Variants in SPTBN2 observed in about 807,000 individuals in gnomAD.
SPTBN2 encodes the protein spectrin beta, non-erythrocytic 2.
Under a neutral mutation model 284.2 loss-of-function variants are expected in SPTBN2, and 107 were observed. That is an observed-to-expected ratio of 0.38 (90% CI 0.32 to 0.44). SPTBN2 has a LOEUF of 0.44. Ranked by LOEUF, SPTBN2 falls within the 20% of genes least tolerant of loss-of-function variation. SPTBN2 has a pLI of 1.00. For synonymous variants in SPTBN2, 1,289 were observed against 1,354.8 expected (o/e 0.95, Z 1.07); for missense variants, 2,569 against 3,287.1 (o/e 0.78, Z 5.34).
Position 66,693,475 on chromosome 11 carries a change from T to A in SPTBN2, c.4594-29A>T. The A allele has an allele frequency of 2.5e-6, 4 of 1,588,212 alleles. No homozygotes were observed. Among genetic ancestry groups the A allele is most frequent in the Non-Finnish European group, 3.4e-6 (4 of 1,175,122 alleles). On this transcript the variant is annotated intron_variant, in intron 23 of 37. Transcript: ENST00000533211. This position sits in a 1 kb window ranked among gnomAD's most constrained non-coding sequence, Gnocchi z 5.7. ...CCCATGGCCACAGAAGAGAAAATGC[T>A]GAAAGTCCTGCCCCAGCCCCACGTG...
intron 31 of SPTBN2, 139 bp downstream of exon 31, chr11:66,688,514 G>T: frequency 1.4e-6 from 2 of 1,440,218 alleles, no homozygotes; most frequent in Non-Finnish European, 1.9e-6. Flanking sequence ...CTAAAGGTGT[G>T]GTGACAATGG....
rs199675740 is a variant in SPTBN2 at position 66,696,435 on chromosome 11, C to T, written c.4120G>A (p.Ala1374Thr). 4.6e-5 allele frequency: 75 copies of T among 1,612,930 alleles called. No homozygotes were observed. The highest frequency in any genetic ancestry group is 1.0e-4 in the Admixed American group (6 of 59,994). ...RWDELETTTQ[A>T]KARSLFDANR... is the part of the protein sequence containing the mutation. ...GCATCAAAGAGGCTGCGGGCCTTGG[C>T]TTGGGTGGTGGTCTCCAGCTCGTCC... Residue 1374 changes from alanine to threonine, a missense_variant, in exon 21 of 38, where the codon GCC becomes ACC. By Grantham distance (58) the Ala-to-Thr change is moderately conservative. Transcript: ENST00000533211.
rs1468352631 is a variant in SPTBN2, at chr11:66,700,058, T to C, written c.3574-450A>G. On this transcript the variant is annotated intron_variant, in intron 17 of 37. Transcript: ENST00000533211. This position sits in a 1 kb window ranked among gnomAD's most constrained non-coding sequence, Gnocchi z 6.6. ...TGCAGCCTCAAACTCCTGGCTCCAG[T>C]GATCCACCAGCCTCAGCCTCCCCAG... Among the ~76,000 whole-genome samples the C allele has an allele frequency of 6.6e-6, 1 of 151,918 alleles. No individual in the cohort carries two copies. Among genetic ancestry groups the C allele is most frequent in the Non-Finnish European group, 1.5e-5 (1 of 67,976 alleles).
rs1590897981 is a variant in SPTBN2, at chr11:66,684,238, TC to T, written c.*1632del. ...TGGAGGCCACCAAGGAGTGCCCACTTCCATCAACATCTGGAGACAAACACTG... is the reference window on the plus strand; with the variant it reads ...TGGAGGCCACCAAGGAGTGCCCACTTCATCAACATCTGGAGACAAACACTG... On this transcript the variant is annotated 3_prime_UTR_variant, in exon 38 of 38. Coordinates refer to ENST00000533211, the MANE Select transcript of SPTBN2 (RefSeq NM_006946.4). 6.6e-6 allele frequency among the ~76,000 whole-genome samples: 1 copy of T among 152,272 alleles called. No individual in the cohort carries two copies. The highest frequency in any genetic ancestry group is 2.1e-4 in the South Asian group (1 of 4,824).
chr11:66,699,552 G>A lies in SPTBN2; in HGVS notation c.3630C>T (p.Ala1210=). ...MPGTLQAADA[A]IKKLEDFMST... ...TCATGAAGTCCTCCAGTTTTTTAAT[G>A]GCAGCATCAGCAGCCTGGAGTGTCC... Residue 1210 remains alanine, a synonymous_variant, in exon 18 of 38, where the codon GCC becomes GCT. Coordinates refer to ENST00000533211, the MANE Select transcript of SPTBN2 (RefSeq NM_006946.4). 6.2e-7 allele frequency: 1 copy of A among 1,614,110 alleles called. No homozygotes were observed. The highest frequency in any genetic ancestry group is 8.5e-7 in the Non-Finnish European group (1 of 1,180,030).
At chr11:66,717,209 G>A (rs1350591599) in intron 3 of SPTBN2, among the ~76,000 whole-genome samples, 1 of 152,166 alleles carries the variant, frequency 6.6e-6, no homozygotes, top group Non-Finnish European at 1.5e-5. Flanking sequence ...GGGGAGGGGA[G>A]CTACTGAAGA....
chr11:66,724,499 C>T (rs576544830), intron 1 of SPTBN2, among the ~76,000 whole-genome samples: 2 of 152,234 alleles, frequency 1.3e-5, no homozygotes, highest in African/African-American at 4.8e-5. Context: ...ATGTTACCTG[C>T]CTGGCCCCAA....
chr11:66,697,563 T>C (rs1355009164), intron 20 of SPTBN2, among the ~76,000 whole-genome samples: 2 of 152,200 alleles, frequency 1.3e-5, no homozygotes, highest in African/African-American at 4.8e-5. Context: ...ACTGGTTTTC[T>C]GTTTGGTTTT....
Position 66,705,369 on chromosome 11 carries a change from C to T in SPTBN2, c.1907G>A (p.Arg636Gln), listed in dbSNP as rs201992642. 51 of 1,612,348 alleles carry T rather than the reference C, an allele frequency of 3.2e-5. No individual in the cohort carries two copies. The highest frequency in any genetic ancestry group is 2.4e-4 in the African/African-American group (18 of 75,052). Residue 636 changes from arginine to glutamine, a missense_variant, in exon 15 of 38, where the codon CGG (arginine) becomes CAG (glutamine). Physicochemically the swap from Arg to Gln is conservative, Grantham distance 43. Coordinates refer to ENST00000533211, the MANE Select transcript of SPTBN2 (RefSeq NM_006946.4). ...CCAGAGCCGCCGTGATTCCTCCAGC[C>T]GGGCCCGCCGCGCCGCTGCCAACTC... ...LCELAAARRA[R>Q]LEESRRLWRF...
At chr11:66,689,221 T>G (rs1940365231) in intron 29 of SPTBN2, 41 bp from the exon 30 acceptor site, 1 of 1,578,810 alleles carries the variant, frequency 6.3e-7, no homozygotes, top group African/African-American at 1.3e-5. Context: ...CACCAGGATG[T>G]GAGATCTTTC....
chr11:66,704,698 C>A lies in SPTBN2; in HGVS notation c.2578G>T (p.Glu860Ter). ...ACCCAGAGTCCACAGGCCCCGGCCT[C>A]GCTGAGCATGGTGTAGAGCGCCAGG... is the stretch of plus-strand genomic sequence containing the variant. ...AALALYTMLS[E>*]AGACGLWVEE... The change falls in exon 15 of 38, where the codon GAG (glutamate) becomes TAG (stop). Residue 860 changes from glutamate to a stop codon, truncating the protein, a stop_gained. Transcript: ENST00000533211. LOFTEE classifies it high-confidence loss of function. 1 of 1,608,078 alleles carries A rather than the reference C, an allele frequency of 6.2e-7. No individual in the cohort carries two copies. Among genetic ancestry groups the A allele is most frequent in the Admixed American group, 1.7e-5 (1 of 59,312 alleles).
chr11:66,693,664 G>A lies in SPTBN2; in HGVS notation c.4593+108C>T. The A allele has an allele frequency of 1.5e-6, 2 of 1,332,568 alleles. No individual in the cohort carries two copies. The allele number at this position is 1,332,568 out of a possible 1,614,324, so 82.5% of individuals were successfully genotyped here. ...AAGGTGAGGAAAGACAGCCACTGAA[G>A]TCCAGGGTTACACTCAGCATCGAGG... is the stretch of plus-strand genomic sequence containing the variant. On this transcript the variant is annotated intron_variant, in intron 23 of 37. Transcript: ENST00000533211. This position sits in a 1 kb window ranked among gnomAD's most constrained non-coding sequence, Gnocchi z 5.7.
At chr11:66,734,638 T>A (rs1224867078) in intron 1 of SPTBN2, among the ~76,000 whole-genome samples, 1 of 152,248 alleles carries the variant, frequency 6.6e-6, no homozygotes, top group African/African-American at 2.4e-5. Flanking sequence ...AGGGGCATTC[T>A]GAGAGCACTC....
In SPTBN2 at chr11:66,710,256, G is replaced by A. The variant is rs936571038; in HGVS notation, c.1073+326C>T. Among the ~76,000 whole-genome samples the A allele has an allele frequency of 1.4e-4, 21 of 150,908 alleles. No homozygotes were observed. The highest frequency in any genetic ancestry group is 5.1e-4 in the African/African-American group (21 of 40,948). ...GACGGGGTTTCACCATGTTGGCCAG[G>A]CTGGTCTCAAACTCCCGACCTCAGT... On this transcript the variant is annotated intron_variant, in intron 10 of 37. Transcript: ENST00000533211. The surrounding 1 kb of genome is among the most constrained non-coding windows in gnomAD (Gnocchi z 4.9).
chr11:66,722,753 C>A (rs112896984), intron 1 of SPTBN2, among the ~76,000 whole-genome samples: 129 of 151,324 alleles, frequency 8.5e-4, no homozygotes, highest in African/African-American at 3.1e-3. Context: ...ATTAGCTGGG[C>A]GTGGTAGCAC....
intron 27 of SPTBN2, among the ~76,000 whole-genome samples, chr11:66,690,661 G>A (rs373541228): frequency 4.6e-5 from 7 of 152,308 alleles, no homozygotes; most frequent in African/African-American, 1.7e-4. Context: ...CTTACTGAGT[G>A]TGAGCCTAGA....
At chr11:66,724,832 A>G (rs1267108124) in intron 1 of SPTBN2, among the ~76,000 whole-genome samples, 1 of 152,066 alleles carries the variant, frequency 6.6e-6, no homozygotes, top group Non-Finnish European at 1.5e-5. Flanking sequence ...ACCACCCATC[A>G]CTTCTCTCTT....
rs369753151 is a variant in SPTBN2 at position 66,687,209 on chromosome 11, C to G, written c.6723-42G>C. 7 of 1,610,514 alleles carry G rather than the reference C, an allele frequency of 4.3e-6. No homozygotes were observed. The highest frequency in any genetic ancestry group is 5.9e-6 in the Non-Finnish European group (7 of 1,179,470). ...GCTGACTGGCCGGCCTCAGTGGCGCCCGCAACCTGGAGCCCTCTTGGGTGT... is the reference window on the plus strand; with the variant it reads ...GCTGACTGGCCGGCCTCAGTGGCGCGCGCAACCTGGAGCCCTCTTGGGTGT... On this transcript the variant is annotated intron_variant, in intron 35 of 37. Coordinates refer to ENST00000533211, the MANE Select transcript of SPTBN2 (RefSeq NM_006946.4). The surrounding 1 kb of genome is among the most constrained non-coding windows in gnomAD (Gnocchi z 5.2).
upstream of SPTBN2, among the ~76,000 whole-genome samples, chr11:66,730,040 G>A (rs1023823018): frequency 6.6e-6 from 1 of 151,996 alleles, no homozygotes; most frequent in African/African-American, 2.4e-5. Flanking sequence ...GACCTCAGGT[G>A]ATCTGCCTGC....
Sources: gnomAD v4.1 joint callset for allele counts (sites outside exome capture counted in the v4.1 genomes callset) on GRCh38, gnomAD v4.1.1 for gene constraint, Gnocchi (gnomAD v3.1) non-coding constraint, MANE v1.5 for transcripts, NCBI Gene and HGNC (gene_info 2026-07-23, HGNC 2026-07-21) for gene names.